KIAA0513: variants seen among roughly 807,000 people sequenced by gnomAD.
KIAA0513 encodes the protein KIAA0513, also known as uncharacterized protein KIAA0513.
A neutral mutation model predicts 56.5 loss-of-function variants in KIAA0513; 39 were observed. The observed-to-expected ratio is 0.69, with a 90% CI of 0.53 to 0.90. The LOEUF is 0.90. Among genes scored for constraint, KIAA0513 ranks in the 40% least tolerant of loss-of-function variants. KIAA0513 has a pLI of 0.00. For missense variants in KIAA0513, 591 were observed against 535.2 expected, an observed-to-expected ratio of 1.10 and a Z score of -1.03; for synonymous variants, 268 against 215.6, an observed-to-expected ratio of 1.24 and a Z score of -2.13.
Position 85,079,004 on chromosome 16 carries a change from G to T in KIAA0513, c.902+1G>T. The stretch of plus-strand genomic sequence containing the variant: ...CGCACCTGAAGCAACAGCCCATCTG[G>T]TAAGGCCGAGCCCGCGGCTTCCCGT... On this transcript the variant is annotated splice_donor_variant, in intron 8 of 12. Coordinates refer to ENST00000683363, the MANE Select transcript of KIAA0513 (RefSeq NM_001388359.1). LOFTEE classifies it high-confidence loss of function. 6.2e-7 allele frequency: 1 copy of T among 1,614,174 alleles called. No homozygotes were observed. The highest frequency in any genetic ancestry group is 8.5e-7 in the Non-Finnish European group (1 of 1,180,034).
chr16:85,064,450 C>A (rs1257804270), intron 1 of KIAA0513, among the ~76,000 whole-genome samples: 3 of 152,058 alleles, frequency 2.0e-5, no homozygotes, highest in African/African-American at 7.3e-5. Flanking sequence ...CATTTGAATT[C>A]CTGAATCAGA....
intron 1 of KIAA0513, among the ~76,000 whole-genome samples, chr16:85,034,024 C>T (rs1482080605): frequency 6.6e-6 from 1 of 152,166 alleles, no homozygotes; most frequent in African/African-American, 2.4e-5. Context: ...CCCCTCAATC[C>T]TTCCTTCCTC....
intron 1 of KIAA0513, among the ~76,000 whole-genome samples, chr16:85,035,777 G>T (rs1344933179): frequency 2.0e-5 from 3 of 152,124 alleles, no homozygotes; most frequent in African/African-American, 7.2e-5. Flanking sequence ...AGGAGATCGA[G>T]ACCATCCTGG....
intron 1 of KIAA0513, among the ~76,000 whole-genome samples, chr16:85,033,911 A>G (rs2073000611): frequency 6.6e-6 from 1 of 151,368 alleles, no homozygotes; most frequent in Admixed American, 6.6e-5. Flanking sequence ...CCCCAGTGGC[A>G]TTACTGCCCA....
At chr16:85,079,186 C>T in intron 8 of KIAA0513, 183 bp downstream of exon 8, 1 of 1,299,478 alleles carries the variant, frequency 7.7e-7, no homozygotes, top group East Asian at 2.6e-5. Context: ...AACTGGAGCT[C>T]TCCTGTATGG....
At chr16:85,057,406 G>C (rs931677700) in intron 1 of KIAA0513, among the ~76,000 whole-genome samples, 2 of 152,216 alleles carry the variant, frequency 1.3e-5, no homozygotes, top group Non-Finnish European at 2.9e-5. Context: ...GAGGTGTGTG[G>C]TGTGATTGGG....
At chr16:85,048,028 C>T (rs1228732151) in intron 1 of KIAA0513, among the ~76,000 whole-genome samples, 2 of 152,176 alleles carry the variant, frequency 1.3e-5, no homozygotes, top group Non-Finnish European at 2.9e-5. Flanking sequence ...AAACCAGAAC[C>T]ATAAGGAAAT....
At chr16:85,038,724 T>A (rs72658730) in intron 1 of KIAA0513, among the ~76,000 whole-genome samples, 37,591 of 117,954 alleles carry the variant, frequency 0.32, 6,313 homozygotes, top group African/African-American at 0.46. Context: ...AAAAAAAAAA[T>A]AATAATAATA....
At chr16:85,032,408 C>G (rs1483279174) in intron 1 of KIAA0513, among the ~76,000 whole-genome samples, 1 of 152,264 alleles carries the variant, frequency 6.6e-6, no homozygotes, top group Admixed American at 6.5e-5. Flanking sequence ...TCTCAGCTCA[C>G]TGCAACCACT....
chr16:85,074,868 C>CT (rs2073634118), intron 4 of KIAA0513, among the ~76,000 whole-genome samples: 1 of 152,042 alleles, frequency 6.6e-6, no homozygotes, highest in East Asian at 1.9e-4. Flanking sequence ...CATTTTCTTT[C>CT]TTTCTTTTTT....
intron 1 of KIAA0513, among the ~76,000 whole-genome samples, chr16:85,030,182 G>A (rs747865398): frequency 2.6e-5 from 4 of 152,128 alleles, no homozygotes; most frequent in Non-Finnish European, 4.4e-5. Context: ...TTATTTAGAC[G>A]TCCTTGAGAA....
intron 12 of KIAA0513, 44 bp from the exon 13 acceptor site, chr16:85,088,232 G>A (rs1472562178): frequency 6.3e-7 from 1 of 1,583,392 alleles, no homozygotes; most frequent in Non-Finnish European, 8.7e-7. Context: ...ACCTGTCCCT[G>A]TCACTGTCTT....
At chr16:85,071,091 G>T (rs975124891) in intron 2 of KIAA0513, among the ~76,000 whole-genome samples, 7 of 152,168 alleles carry the variant, frequency 4.6e-5, no homozygotes, top group Non-Finnish European at 7.4e-5. Context: ...TTAAATTTGG[G>T]AAAGAGTGTT....
chr16:85,078,796 G>T (rs1293459108), intron 7 of KIAA0513, 129 bp from the exon 8 acceptor site: 3 of 991,760 alleles, frequency 3.0e-6, no homozygotes, highest in Non-Finnish European at 4.7e-6. Flanking sequence ...AAAAGCCACG[G>T]TGGGGTTTGC....
intron 10 of KIAA0513, among the ~76,000 whole-genome samples, chr16:85,085,132 G>A (rs1440091701): frequency 1.3e-5 from 2 of 152,206 alleles, no homozygotes; most frequent in Non-Finnish European, 2.9e-5. Flanking sequence ...CGAGGGGTGC[G>A]GGGGTTTATG....
rs1227070028 is a variant in KIAA0513 at position 85,091,503 on chromosome 16, A to G, written c.*3178A>G. On this transcript the variant is annotated 3_prime_UTR_variant, in exon 13 of 13. Coordinates refer to ENST00000683363, the MANE Select transcript of KIAA0513 (RefSeq NM_001388359.1). ...AAATTTCCAAAAAATGGCTAGAGGG[A>G]GAGTCCAGTTTCTGAGCTCTGTACC... The G allele has an allele frequency of 6.6e-6, 1 of 152,218 alleles. No homozygotes were observed. The highest frequency in any genetic ancestry group is 1.5e-5 in the Non-Finnish European group (1 of 68,048). 9.4% of individuals were successfully genotyped at this position (152,218 alleles called of 1,614,324 possible).
In KIAA0513 at chr16:85,073,000, T is replaced by C; in HGVS notation, c.503+2T>C. On this transcript the variant is annotated splice_donor_variant, in intron 4 of 12. Coordinates refer to ENST00000683363, the MANE Select transcript of KIAA0513 (RefSeq NM_001388359.1). LOFTEE classifies it high-confidence loss of function. The stretch of plus-strand genomic sequence containing the variant: ...GTCTTTTGCAGTGGTGCTGTTCGAG[T>C]AAGTAATGCCGTGGCACAAAGCCTT... 6.8e-6 allele frequency: 11 copies of C among 1,612,956 alleles called. No individual in the cohort carries two copies. Among genetic ancestry groups the C allele is most frequent in the Non-Finnish European group, 9.3e-6 (11 of 1,179,114 alleles).
At chr16:85,088,122 C>G (rs1333057518) in intron 12 of KIAA0513, among the ~76,000 whole-genome samples, 154 bp from the exon 13 acceptor site, 1 of 152,264 alleles carries the variant, frequency 6.6e-6, no homozygotes, top group Non-Finnish European at 1.5e-5. Flanking sequence ...CTGAAGCACG[C>G]AAGCCGTGTG....
intron 1 of KIAA0513, among the ~76,000 whole-genome samples, chr16:85,033,703 G>A (rs988930874): frequency 1.3e-5 from 2 of 152,238 alleles, no homozygotes; most frequent in African/African-American, 2.4e-5. Flanking sequence ...CAGGACCGTC[G>A]CCAGCTGACT....
Sources: allele counts gnomAD v4.1 joint callset (sites outside exome capture counted in the v4.1 genomes callset), GRCh38; gene constraint gnomAD v4.1.1; transcripts MANE v1.5; gene names NCBI Gene and HGNC (gene_info 2026-07-23, HGNC 2026-07-21).